The following CELSR3 variants were observed in gnomAD, a reference collection of about 807,000 sequenced individuals.
CELSR3 encodes the protein cadherin EGF LAG seven-pass G-type receptor 3.
A neutral mutation model predicts 270.0 loss-of-function variants in CELSR3; 73 were observed. The observed-to-expected ratio is 0.27, with a 90% CI of 0.22 to 0.33. The LOEUF is 0.33. CELSR3 is among the 10% of genes least tolerant of loss of function. The pLI is 1.00. For missense variants in CELSR3, 3,614 were observed against 4,533.8 expected, an observed-to-expected ratio of 0.80 and a Z score of 5.83; for synonymous variants, 1,780 against 1,905.4, an observed-to-expected ratio of 0.93 and a Z score of 1.71.
In CELSR3 at chr3:48,648,705, G is replaced by A. The variant is rs1478957755; in HGVS notation, c.6777+14C>T. ...GGGGGGCCAAGGCACTGAGAACATA[G>A]GGCACAGCCCCACCTCATTGAAGTG... On this transcript the variant is annotated intron_variant, in intron 18 of 34. Transcript: ENST00000164024. The A allele has an allele frequency of 6.2e-7, 1 of 1,606,766 alleles. No homozygotes were observed. Among genetic ancestry groups the A allele is most frequent in the Non-Finnish European group, 8.5e-7 (1 of 1,179,194 alleles).
In CELSR3 at chr3:48,645,083, T is replaced by G; in HGVS notation, c.7924A>C (p.Met2642Leu). Residue 2642 changes from methionine to leucine, a missense_variant, in exon 25 of 35, where the codon ATG becomes CTG. Coordinates refer to ENST00000164024, the MANE Select transcript of CELSR3 (RefSeq NM_001407.3). The surrounding 1 kb of genome is among the most constrained non-coding windows in gnomAD (Gnocchi z 5.4). ...CAGCCCAGGGCATGGTAGAAGCGCA[T>G]GGCGCCGCGGTCCACGTTGCGTGGC... ...VEPRNVDRGA[M>L]RFYHALGWGV... The G allele has an allele frequency of 1.2e-6, 2 of 1,601,892 alleles. No homozygotes were observed. The highest frequency in any genetic ancestry group is 1.7e-6 in the Non-Finnish European group (2 of 1,171,180).
chr3:48,643,284 G>C (rs984103306), intron 28 of CELSR3: 2 of 623,570 alleles, frequency 3.2e-6, no homozygotes, highest in Non-Finnish European at 2.8e-6. Flanking sequence ...CTGTAAGGTC[G>C]GTGTGGATCA....
rs1418492675 is a variant in CELSR3 at position 48,643,549 on chromosome 3, G to A, written c.8289+5C>T. The A allele has an allele frequency of 5.2e-6, 8 of 1,549,510 alleles. No individual in the cohort carries two copies. Among genetic ancestry groups the A allele is most frequent in the Non-Finnish European group, 6.1e-6 (7 of 1,146,230 alleles). On this transcript the variant is annotated splice_donor_5th_base_variant and intron_variant, in intron 28 of 34. Transcript: ENST00000164024. The stretch of plus-strand genomic sequence containing the variant: ...TCTGGGGCAAGGGAGGGGCACCAGA[G>A]TCACCTGGAGGCCGCAGAGTCCAGC...
At chr3:48,648,547 G>A (rs964058123) in intron 18 of CELSR3, 86 bp from the exon 19 acceptor site, 1 of 1,408,044 alleles carries the variant, frequency 7.1e-7, no homozygotes, top group East Asian at 2.5e-5. Flanking sequence ...CTGGACAGGT[G>A]CTCAGAGGGG....
Position 48,640,558 on chromosome 3 carries a change from G to A in CELSR3, c.9027C>T (p.Gly3009=). Reference sequence around the variant, plus strand: ...GGTATTGCAACCGGTTCTTCAGGATGCCTGTGAGAGGAAGAAAATGGGGGG... The same window carrying A: ...GGTATTGCAACCGGTTCTTCAGGATACCTGTGAGAGGAAGAAAATGGGGGG... ...SLGRAQRQRK[G]ILKNRLQYPL... Residue 3009 remains glycine (G), a splice_region_variant and synonymous_variant, in exon 34 of 35, where the codon GGC becomes GGT. Coordinates refer to ENST00000164024, the MANE Select transcript of CELSR3 (RefSeq NM_001407.3). This position sits in a 1 kb window ranked among gnomAD's most constrained non-coding sequence, Gnocchi z 7.5. The A allele has an allele frequency of 6.4e-7, 1 of 1,569,556 alleles. No individual in the cohort carries two copies. The highest frequency in any genetic ancestry group is 8.7e-7 in the Non-Finnish European group (1 of 1,155,554).
At position 48,642,451 on chromosome 3, in the gene CELSR3, G is replaced by A; in HGVS notation, c.8572C>T (p.Arg2858Ter). ...GTGTGGTCAGCGGCTGAGCCATGTC[G>A]AACCAGGACATTGTCCCTGGAAAAG... ...RSYLRDNVLV[R>*]HGSAADHTDH... is the part of the protein sequence containing the mutation. Residue 2858 changes from arginine (R) to a stop codon, truncating the protein, a stop_gained, in exon 31 of 35, where the codon CGA (arginine) becomes TGA (stop). Transcript: ENST00000164024. LOFTEE classifies it high-confidence loss of function. The surrounding 1 kb of genome is among the most constrained non-coding windows in gnomAD (Gnocchi z 6.1). The A allele has an allele frequency of 1.2e-6, 2 of 1,612,916 alleles. No homozygotes were observed. The highest frequency in any genetic ancestry group is 8.5e-7 in the Non-Finnish European group (1 of 1,179,790).
Position 48,654,918 on chromosome 3 carries a change from G to T in CELSR3, c.4988+126C>A. 1 of 969,778 alleles carries T rather than the reference G, an allele frequency of 1.0e-6. No individual in the cohort carries two copies. The highest frequency in any genetic ancestry group is 1.6e-6 in the Non-Finnish European group (1 of 623,056). 60.1% of individuals were successfully genotyped at this position (969,778 alleles called of 1,614,324 possible). A position where few individuals can be genotyped will look rare whatever the true frequency, so the allele number is the denominator to read the frequency against. On this transcript the variant is annotated intron_variant, in intron 6 of 34. Coordinates refer to ENST00000164024, the MANE Select transcript of CELSR3 (RefSeq NM_001407.3). The surrounding 1 kb of genome is among the most constrained non-coding windows in gnomAD (Gnocchi z 5.4). ...GCTTTCAGGGTCTTTGAGAGGAGAG[G>T]GGAATCTTGGTGGTTTGGGGGAAAG...
Position 48,644,387 on chromosome 3 carries a change from G to T in CELSR3, c.8086-92C>A. 1 of 1,216,168 alleles carries T rather than the reference G, an allele frequency of 8.2e-7. No homozygotes were observed. The highest frequency in any genetic ancestry group is 1.2e-6 in the Non-Finnish European group (1 of 830,600). The allele number at this position is 1,216,168 out of a possible 1,614,324, so 75.3% of individuals were successfully genotyped here. ...GAGACAGAGAGAGACTAAGATTCAC[G>T]GAGAGAGGCAGAACCAGTGAGAAAT... On this transcript the variant is annotated intron_variant, in intron 26 of 34. Transcript: ENST00000164024. This position sits in a 1 kb window ranked among gnomAD's most constrained non-coding sequence, Gnocchi z 4.8.
In CELSR3 at chr3:48,642,726, T is replaced by C. The variant is rs778361153; in HGVS notation, c.8555+10A>G. 4 of 1,607,498 alleles carry C rather than the reference T, an allele frequency of 2.5e-6. No homozygotes were observed. In the Admixed American group the frequency reaches 5.0e-5, roughly 20 times the overall value. On this transcript the variant is annotated intron_variant, in intron 30 of 34. Transcript: ENST00000164024. This position sits in a 1 kb window ranked among gnomAD's most constrained non-coding sequence, Gnocchi z 6.1. ...TGAGTGTTCCCTCACAAGGAGGCTC[T>C]TCCTCTCACCTGAGGTAGCTGCGGC...
intron 34 of CELSR3, among the ~76,000 whole-genome samples, chr3:48,638,610 C>A (rs560249417): frequency 6.7e-6 from 1 of 149,356 alleles, no homozygotes; most frequent in Admixed American, 6.6e-5. Flanking sequence ...CCTAAGGTCA[C>A]GCAGCTAGTA....
rs748976322 is a variant in CELSR3 at position 48,639,877 on chromosome 3, A to G, written c.9708T>C (p.His3236=). 7.4e-6 allele frequency: 12 copies of G among 1,613,434 alleles called. No individual in the cohort carries two copies. The highest frequency in any genetic ancestry group is 3.3e-5 in the Admixed American group (2 of 60,028). ...TGTCCAACTGTTCTGTGGAGGGGCC[A>G]TGGCTGGGGCCACTGACCGAGTCCT... The part of the protein sequence containing the change: ...AREDSVSGPS[H]GPSTEQLDIL... The change falls in exon 34 of 35, where the codon CAT becomes CAC. Residue 3236 remains histidine, a synonymous_variant. Transcript: ENST00000164024. This position sits in a 1 kb window ranked among gnomAD's most constrained non-coding sequence, Gnocchi z 4.1.
chr3:48,661,435 G>A lies in CELSR3; in HGVS notation c.1200C>T (p.Tyr400=), dbSNP rs750467254. 2.0e-5 allele frequency: 32 copies of A among 1,611,196 alleles called. No homozygotes were observed. Among genetic ancestry groups the A allele is most frequent in the Non-Finnish European group, 2.5e-5 (30 of 1,179,360 alleles). ...ALDRESMERH[Y]LRVTAQDHGS... ...CGTGGTCCTGCGCGGTCACACGCAGGTAGTGACGCTCCATGCTCTCGCGGT... is the reference window on the plus strand; with the variant it reads ...CGTGGTCCTGCGCGGTCACACGCAGATAGTGACGCTCCATGCTCTCGCGGT... The change falls in exon 1 of 35, where the codon TAC becomes TAT. Residue 400 remains tyrosine (Y), a synonymous_variant. Transcript: ENST00000164024.
In CELSR3 at chr3:48,653,740, T is replaced by C. The variant is rs947570466; in HGVS notation, c.5327A>G (p.Asn1776Ser). The C allele has an allele frequency of 1.2e-6, 2 of 1,614,076 alleles. No individual in the cohort carries two copies. Among genetic ancestry groups the C allele is most frequent in the African/African-American group, 1.3e-5 (1 of 74,938 alleles). Residue 1776 changes from asparagine to serine, a missense_variant, in exon 9 of 35, where the codon AAC (asparagine) becomes AGC (serine). By Grantham distance (46) the Asn-to-Ser change is conservative. Transcript: ENST00000164024. This position sits in a 1 kb window ranked among gnomAD's most constrained non-coding sequence, Gnocchi z 6.5. ...AGACACAGCCATGTCACTTCCAAAG[T>C]TCCAGCTCAGTGTGCCGTTGCCACG... ...HFRGNGTLSW[N>S]FGSDMAVSVP... is the part of the protein sequence containing the mutation.
rs1403359628 is a variant in CELSR3 at position 48,639,437 on chromosome 3, G to A, written c.9911+237C>T. Among the ~76,000 whole-genome samples the A allele has an allele frequency of 6.6e-6, 1 of 152,184 alleles. No homozygotes were observed. The highest frequency in any genetic ancestry group is 1.5e-5 in the Non-Finnish European group (1 of 68,024). On this transcript the variant is annotated intron_variant, in intron 34 of 34. Transcript: ENST00000164024. This position sits in a 1 kb window ranked among gnomAD's most constrained non-coding sequence, Gnocchi z 4.1. ...GCACCTATTTCTCCTTAGCCTGGGA[G>A]GTGCTGGGAAGGCTGGCTGGCTCCA...
At position 48,654,624 on chromosome 3, in the gene CELSR3, G is replaced by A. The variant is rs116107772; in HGVS notation, c.4989-172C>T. On this transcript the variant is annotated intron_variant, in intron 6 of 34. Transcript: ENST00000164024. The surrounding 1 kb of genome is among the most constrained non-coding windows in gnomAD (Gnocchi z 5.4). ...CTTACTTCAGTTGGGGTGCAAAGGG[G>A]CACCCGTGATGGGCCGATGGTCTGG... Among the ~76,000 whole-genome samples the A allele has an allele frequency of 5.3e-3, 808 of 152,252 alleles. 8 individuals carry two copies. The highest frequency in any genetic ancestry group is 0.019 in the African/African-American group (771 of 41,526).
chr3:48,642,846 C>T lies in CELSR3; in HGVS notation c.8445G>A (p.Glu2815=), dbSNP rs770305695. The T allele has an allele frequency of 2.0e-5, 32 of 1,613,108 alleles. No homozygotes were observed. Among genetic ancestry groups the T allele is most frequent in the Non-Finnish European group, 1.9e-5 (23 of 1,179,952 alleles). ...CCAGAGTGATGCGGATGAGGCCACTCTCCTCAAAGAGAGCCGTGTTGTTGT... is the reference window on the plus strand; with the variant it reads ...CCAGAGTGATGCGGATGAGGCCACTTTCCTCAAAGAGAGCCGTGTTGTTGT... ...GAYNNTALFE[E]SGLIRITLGA... Residue 2815 remains glutamate, a synonymous_variant, in exon 30 of 35, where the codon GAG becomes GAA. Transcript: ENST00000164024. The surrounding 1 kb of genome is among the most constrained non-coding windows in gnomAD (Gnocchi z 6.1).
chr3:48,648,246 C>CA lies in CELSR3; in HGVS notation c.6973+19_6973+20insT. 4.0e-5 allele frequency: 57 copies of CA among 1,418,212 alleles called. No individual in the cohort carries two copies. The highest frequency in any genetic ancestry group is 5.3e-5 in the Non-Finnish European group (53 of 1,009,110). 87.9% of individuals were successfully genotyped at this position (1,418,212 alleles called of 1,614,324 possible). The stretch of plus-strand genomic sequence containing the variant: ...CATGGCCCCCCTGCTGTGCCCCGCC[C>CA]TACCCCACCCACAACGCACTGATAT... On this transcript the variant is annotated intron_variant, in intron 19 of 34. Coordinates refer to ENST00000164024, the MANE Select transcript of CELSR3 (RefSeq NM_001407.3).
Position 48,656,561 on chromosome 3 carries a change from G to A in CELSR3, c.4399+137C>T. ...CTCGGCGGCGGCCCCTTCCGGCCAC[G>A]CTCTACGGCTTCTGGCCTAAGCGCG... On this transcript the variant is annotated intron_variant, in intron 2 of 34. Transcript: ENST00000164024. The A allele has an allele frequency of 3.2e-6, 4 of 1,264,760 alleles. No homozygotes were observed. The South Asian group carries it at 5.2e-5, about 17-fold the overall frequency. The allele number at this position is 1,264,760 out of a possible 1,614,324, so 78.3% of individuals were successfully genotyped here. A position where few individuals can be genotyped will look rare whatever the true frequency, so the allele number is the denominator to read the frequency against.
rs750566170 is a variant in CELSR3 at position 48,662,521 on chromosome 3, C to G, written c.114G>C (p.Gly38=). ...PLSQEELGGG[G]HQGWDPGLAA... is the part of the protein sequence containing the mutation. ...CTAAGCCTGGGTCCCAGCCCTGGTG[C>G]CCACCGCCCCCCAGCTCCTCCTGGC... is the stretch of plus-strand genomic sequence containing the variant. The change falls in exon 1 of 35, where the codon GGG becomes GGC. Residue 38 remains glycine, a synonymous_variant. Coordinates refer to ENST00000164024, the MANE Select transcript of CELSR3 (RefSeq NM_001407.3). This position sits in a 1 kb window ranked among gnomAD's most constrained non-coding sequence, Gnocchi z 7.1. 1 of 1,608,018 alleles carries G rather than the reference C, an allele frequency of 6.2e-7. No individual in the cohort carries two copies.
Sources: gnomAD v4.1 joint callset for allele counts (sites outside exome capture counted in the v4.1 genomes callset) on GRCh38, gnomAD v4.1.1 for gene constraint, Gnocchi (gnomAD v3.1) non-coding constraint, MANE v1.5 for transcripts, NCBI Gene and HGNC (gene_info 2026-07-23, HGNC 2026-07-21) for gene names.